Variants in CD40LG observed in about 807,000 individuals in gnomAD.
The protein encoded by CD40LG is CD40 antigen ligand.
In CD40LG, 1 loss-of-function variant was observed where a neutral mutation model predicts 17.2. The ratio of observed to expected loss-of-function variants is 0.06; its 90% CI spans 0.02 to 0.28. The LOEUF is 0.28. Ranked by LOEUF, CD40LG falls within the 10% of genes least tolerant of loss-of-function variation. The pLI is 1.00. For synonymous variants in CD40LG, 66 were observed against 74.4 expected (o/e 0.89, Z 0.58); for missense variants, 133 against 193.2 (o/e 0.69, Z 1.85).
chrX:136,649,194 A>T (rs1031732361), intron 1 of CD40LG, among the ~76,000 whole-genome samples: 1 of 112,464 alleles, frequency 8.9e-6, no homozygotes, highest in Non-Finnish European at 1.9e-5. Flanking sequence ...CCAATCATAG[A>T]TGTAAAGGAG....
At chrX:136,657,257 C>T (rs2076121912) in intron 4 of CD40LG, among the ~76,000 whole-genome samples, 1 of 111,687 alleles carries the variant, frequency 9.0e-6, no homozygotes, top group African/African-American at 3.3e-5. Flanking sequence ...AAAAAAGACA[C>T]TGCTTCATCT....
chrX:136,653,635 A>G (rs948010961), intron 2 of CD40LG, among the ~76,000 whole-genome samples: 5 of 112,275 alleles, frequency 4.5e-5, no homozygotes, highest in African/African-American at 1.6e-4. Context: ...AGCCTTTATC[A>G]TCTTCCAACC....
At chrX:136,654,052 T>A (rs1312159029) in intron 2 of CD40LG, among the ~76,000 whole-genome samples, 9 of 111,969 alleles carry the variant, frequency 8.0e-5, no homozygotes, top group Non-Finnish European at 1.5e-4. Context: ...TTTGTCAATA[T>A]CTGTCAAAGC....
rs2076130841 is a variant in CD40LG at position 136,659,982 on chromosome X, T to G, written c.*567T>G. On this transcript the variant is annotated 3_prime_UTR_variant, in exon 5 of 5. Transcript: ENST00000370629. ...TTCATTCTCTTTCAATCTCTCTCTC[T>G]CCATCTCTCTCTTTCAGTCTCTCTC... 1 of 84,693 alleles carries G rather than the reference T, an allele frequency of 1.2e-5. No individual in the cohort carries two copies. The highest frequency in any genetic ancestry group is 2.1e-5 in the Non-Finnish European group (1 of 46,764). 7.0% of individuals were successfully genotyped at this position (84,693 alleles called of 1,213,427 possible). A position where few individuals can be genotyped will look rare whatever the true frequency, so the allele number is the denominator to read the frequency against.
chrX:136,658,246 A>G (rs1395587427), intron 4 of CD40LG, among the ~76,000 whole-genome samples: 1 of 111,469 alleles, frequency 9.0e-6, no homozygotes. Context: ...CCTCACCCCC[A>G]TCAGTCAGTC....
chrX:136,657,390 A>G (rs1301692931), intron 4 of CD40LG, among the ~76,000 whole-genome samples: 4 of 111,557 alleles, frequency 3.6e-5, no homozygotes. Context: ...AAGGACCATG[A>G]CCACTGCTTG....
Position 136,654,518 on chromosome X carries a change from G to A in CD40LG, c.346+88G>A. On this transcript the variant is annotated intron_variant, in intron 3 of 4. Coordinates refer to ENST00000370629, the MANE Select transcript of CD40LG (RefSeq NM_000074.3). ...TCATATTGAACAACCCAGTGTTGTT[G>A]CATCAGGGAACTTTTAGCCCTGGAA... The A allele has an allele frequency of 4.4e-6, 3 of 681,858 alleles. No homozygotes were observed. The East Asian group carries it at 9.8e-5, about 22-fold the overall frequency. The allele number at this position is 681,858 out of a possible 1,213,427, so 56.2% of individuals were successfully genotyped here. A position where few individuals can be genotyped will look rare whatever the true frequency, so the allele number is the denominator to read the frequency against.
At chrX:136,656,764 A>C (rs3092929) in intron 4 of CD40LG, among the ~76,000 whole-genome samples, 21,553 of 110,927 alleles carry the variant, frequency 0.19, 2,585 homozygotes, top group African/African-American at 0.45. Context: ...CTCCTAACCC[A>C]TCTTCACTGT....
chrX:136,656,580 A>AATGC (rs1209648277), intron 4 of CD40LG, among the ~76,000 whole-genome samples, 162 bp downstream of exon 4: 1 of 112,251 alleles, frequency 8.9e-6, no homozygotes, highest in African/African-American at 3.2e-5. Flanking sequence ...AGTGAGTTCA[A>AATGC]ATGCACAGAT....
chrX:136,652,285 C>T (rs1025839844), intron 2 of CD40LG, among the ~76,000 whole-genome samples: 8 of 111,211 alleles, frequency 7.2e-5, no homozygotes, highest in African/African-American at 1.6e-4. Context: ...CCCCCAATGA[C>T]GGATCCCCTT....
intron 2 of CD40LG, among the ~76,000 whole-genome samples, chrX:136,652,528 C>T (rs1472409582): frequency 1.8e-5 from 2 of 110,925 alleles, no homozygotes; most frequent in Non-Finnish European, 1.9e-5. Flanking sequence ...ATCCAATTCT[C>T]AATCCACAAC....
At chrX:136,655,061 C>T (rs1339567789) in intron 3 of CD40LG, among the ~76,000 whole-genome samples, 3 of 111,534 alleles carry the variant, frequency 2.7e-5, no homozygotes, top group African/African-American at 9.8e-5. Flanking sequence ...TTGAATGGCT[C>T]TAATAATACC....
Position 136,659,156 on chromosome X carries a change from C to A in CD40LG, c.527C>A (p.Thr176Asn). 1 of 1,211,436 alleles carries A rather than the reference C, an allele frequency of 8.3e-7. No individual in the cohort carries two copies. Among genetic ancestry groups the A allele is most frequent in the Non-Finnish European group, 1.1e-6 (1 of 895,145 alleles). Residue 176 changes from threonine (T) to asparagine (N), a missense_variant, in exon 5 of 5, where the codon ACC becomes AAC. Transcript: ENST00000370629. ...QGLYYIYAQV[T>N]FCSNREASSQ... ...CTCTATTATATCTATGCCCAAGTCA[C>A]CTTCTGTTCCAATCGGGAAGCTTCG...
chrX:136,658,940 T>C, intron 4 of CD40LG, 99 bp from the exon 5 acceptor site: 1 of 952,574 alleles, frequency 1.0e-6, no homozygotes, highest in Admixed American at 2.2e-5. Context: ...AATCCATCCC[T>C]ATACAAAGCC....
At chrX:136,657,202 G>A (rs1308318311) in intron 4 of CD40LG, among the ~76,000 whole-genome samples, 1 of 111,968 alleles carries the variant, frequency 8.9e-6, no homozygotes, top group Non-Finnish European at 1.9e-5. Flanking sequence ...GTGTGCATAT[G>A]TGTATGTGTG....
At chrX:136,654,475 A>T (rs746127988) in intron 3 of CD40LG, 45 bp downstream of exon 3, 1 of 972,800 alleles carries the variant, frequency 1.0e-6, no homozygotes, top group Non-Finnish European at 1.5e-6. Flanking sequence ...TAAAAACTAA[A>T]AGGAAGCTTT....
intron 3 of CD40LG, among the ~76,000 whole-genome samples, chrX:136,655,463 G>T (rs761109554): frequency 8.9e-6 from 1 of 112,338 alleles, no homozygotes; most frequent in South Asian, 3.7e-4. Context: ...TTGTTAGAGA[G>T]AATTTTATAT....
In CD40LG at chrX:136,648,388, A is replaced by T. The variant is rs1008946391; in HGVS notation, c.140A>T (p.His47Leu). Residue 47 changes from histidine (H) to leucine (L), a missense_variant, in exon 1 of 5, where the codon CAT (histidine) becomes CTT (leucine). By Grantham distance (99) the His-to-Leu change is moderately conservative. Transcript: ENST00000370629. The stretch of plus-strand genomic sequence containing the variant: ...TCAGCACTTTTTGCTGTGTATCTTC[A>T]TAGAAGGTTGGACAAGGTAAGATGA... ...IGSALFAVYL[H>L]RRLDKIEDER... 8.3e-7 allele frequency: 1 copy of T among 1,210,529 alleles called. No homozygotes were observed.
Position 136,650,477 on chromosome X carries a change from T to C in CD40LG, c.288+80T>C, listed in dbSNP as rs3092943. The C allele has an allele frequency of 7.8e-3, 7,141 of 912,759 alleles. 305 individuals carry two copies. The African/African-American group carries it at 0.12, about 16-fold the overall frequency. The allele number at this position is 912,759 out of a possible 1,213,427, so 75.2% of individuals were successfully genotyped here. On this transcript the variant is annotated intron_variant, in intron 2 of 4. Transcript: ENST00000370629. ...TAGATCGGGAAACTGACAATGCCAA[T>C]GTTTAAAGATTGGTTATAGACACAG...
Sources: allele counts gnomAD v4.1 joint callset (sites outside exome capture counted in the v4.1 genomes callset), GRCh38; gene constraint gnomAD v4.1.1; transcripts MANE v1.5; gene names NCBI Gene and HGNC (gene_info 2026-07-23, HGNC 2026-07-21).